The following UNC5C variants were observed in gnomAD, a reference collection of about 807,000 sequenced individuals.
The protein encoded by UNC5C is netrin receptor UNC5C.
In UNC5C, 47 loss-of-function variants were observed where a neutral mutation model predicts 99.8. That is an observed-to-expected ratio of 0.47 (90% CI 0.37 to 0.60). UNC5C has a LOEUF of 0.60. Among genes scored for constraint, UNC5C ranks in the 20% least tolerant of loss-of-function variants. The pLI is 0.00. For missense variants in UNC5C, 1,062 were observed against 1,165.9 expected (o/e 0.91, Z 1.30); for synonymous variants, 487 against 452.2 (o/e 1.08, Z -0.98).
intron 3 of UNC5C, among the ~76,000 whole-genome samples, chr4:95,297,332 A>T (rs1384177370): frequency 6.6e-6 from 1 of 152,182 alleles, no homozygotes; most frequent in African/African-American, 2.4e-5. Flanking sequence ...TGGAGATTCC[A>T]CTTAAGACAA....
intron 1 of UNC5C, among the ~76,000 whole-genome samples, chr4:95,531,439 T>C (rs1722640627): frequency 6.6e-6 from 1 of 152,238 alleles, no homozygotes; most frequent in African/African-American, 2.4e-5. Flanking sequence ...TGGGTCTGTG[T>C]TTACTGAAGT....
chr4:95,494,828 T>C (rs58110656), intron 1 of UNC5C, among the ~76,000 whole-genome samples: 4,544 of 151,592 alleles, frequency 0.03, 109 homozygotes, highest in African/African-American at 0.07. Context: ...ATTTTCACTA[T>C]TGTAAGTAGC....
intron 1 of UNC5C, among the ~76,000 whole-genome samples, chr4:95,517,495 G>C (rs1418288037): frequency 6.6e-6 from 1 of 152,060 alleles, no homozygotes; most frequent in Non-Finnish European, 1.5e-5. Flanking sequence ...AATGCATGCA[G>C]AAACTTAAAC....
intron 1 of UNC5C, among the ~76,000 whole-genome samples, chr4:95,437,572 G>C (rs1746830608): frequency 6.6e-6 from 1 of 151,984 alleles, no homozygotes; most frequent in African/African-American, 2.4e-5. Context: ...GCATATACAT[G>C]ATAAAATAAG....
intron 3 of UNC5C, among the ~76,000 whole-genome samples, chr4:95,299,158 T>C (rs1741779739): frequency 1.3e-5 from 2 of 152,158 alleles, no homozygotes; most frequent in African/African-American, 4.8e-5. Context: ...AAAATGAAGC[T>C]GTTAGGGTGG....
intron 4 of UNC5C, among the ~76,000 whole-genome samples, chr4:95,269,185 A>G (rs1453828624): frequency 6.6e-6 from 1 of 152,246 alleles, no homozygotes; most frequent in Non-Finnish European, 1.5e-5. Context: ...TGTCTATTAA[A>G]TCAGAATCTC....
intron 4 of UNC5C, among the ~76,000 whole-genome samples, chr4:95,274,886 C>T (rs951967504): frequency 5.9e-5 from 9 of 151,986 alleles, no homozygotes; most frequent in African/African-American, 1.2e-4. Context: ...ACTAGCCATG[C>T]GTGGTGATGT....
At chr4:95,315,029 G>C (rs1742419784) in intron 2 of UNC5C, among the ~76,000 whole-genome samples, 1 of 152,058 alleles carries the variant, frequency 6.6e-6, no homozygotes, top group African/African-American at 2.4e-5. Flanking sequence ...ATCCGTCTTT[G>C]TGTATCTAAA....
rs927647336 is a variant in UNC5C at position 95,454,486 on chromosome 4, G to A, written c.124+94248C>T. 2.0e-5 allele frequency among the ~76,000 whole-genome samples: 3 copies of A among 152,074 alleles called. No individual in the cohort carries two copies. In the South Asian group the frequency reaches 6.2e-4, roughly 31 times the overall value. The stretch of plus-strand genomic sequence containing the variant: ...AGCAGGAGGTACTGTGATTACATAT[G>A]AGTATTCTCCAAAACGTTATTTTCT... On this transcript the variant is annotated intron_variant, in intron 1 of 15. Coordinates refer to ENST00000453304, the MANE Select transcript of UNC5C (RefSeq NM_003728.4).
At chr4:95,194,012 CCATCTGCAAA>C (rs1737271563) in intron 12 of UNC5C, among the ~76,000 whole-genome samples, 1 of 152,152 alleles carries the variant, frequency 6.6e-6, no homozygotes, top group Admixed American at 6.5e-5. Context: ...ACTCTGGTGC[CCATCTGCAAA>C]CATCTCCCCG....
At chr4:95,200,882 G>T (rs564769489) in intron 12 of UNC5C, among the ~76,000 whole-genome samples, 1 of 151,802 alleles carries the variant, frequency 6.6e-6, no homozygotes, top group East Asian at 1.9e-4. Context: ...AAATTCATAC[G>T]TTGTAATCCT....
At chr4:95,445,400 T>G (rs996937605) in intron 1 of UNC5C, among the ~76,000 whole-genome samples, 4 of 152,118 alleles carry the variant, frequency 2.6e-5, no homozygotes, top group African/African-American at 9.7e-5. Context: ...GCAGTTTAGG[T>G]TTCTGTTCCG....
chr4:95,474,728 A>G (rs1384275793), intron 1 of UNC5C, among the ~76,000 whole-genome samples: 1 of 152,158 alleles, frequency 6.6e-6, no homozygotes, highest in Non-Finnish European at 1.5e-5. Context: ...AAAAACTTAG[A>G]CATGCATGCA....
chr4:95,326,441 A>C lies in UNC5C; in HGVS notation c.346+8969T>G, dbSNP rs1179590000. Among the ~76,000 whole-genome samples the C allele has an allele frequency of 2.0e-5, 3 of 152,050 alleles. 1 individual carries two copies. Among genetic ancestry groups the C allele is most frequent in the Non-Finnish European group, 4.4e-5 (3 of 68,044 alleles). ...CAAGTAAATAGAAAGCAAACAGCTG[A>C]GCCTGAGTTCTTCTTAAAAATGTAA... On this transcript the variant is annotated intron_variant, in intron 2 of 15. Coordinates refer to ENST00000453304, the MANE Select transcript of UNC5C (RefSeq NM_003728.4).
rs569388470 is a variant in UNC5C at position 95,395,554 on chromosome 4, T to G, written c.125-59923A>C. On this transcript the variant is annotated intron_variant, in intron 1 of 15. Coordinates refer to ENST00000453304, the MANE Select transcript of UNC5C (RefSeq NM_003728.4). ...AGGTCTTTTCTCTTCCTCTGTCATA[T>G]CAAAGTTAAAAAGTCCTGTTAGAAA... Among the ~76,000 whole-genome samples the G allele has an allele frequency of 2.6e-5, 4 of 152,250 alleles. No homozygotes were observed. The South Asian group carries it at 8.3e-4, about 32-fold the overall frequency.
intron 1 of UNC5C, among the ~76,000 whole-genome samples, chr4:95,425,462 C>A (rs1005330889): frequency 1.3e-5 from 2 of 152,226 alleles, no homozygotes; most frequent in African/African-American, 4.8e-5. Context: ...ACTGGGACTA[C>A]AGGCGCTCGC....
intron 1 of UNC5C, among the ~76,000 whole-genome samples, chr4:95,545,474 ACTGT>A (rs748479995): frequency 2.0e-5 from 3 of 152,136 alleles, no homozygotes; most frequent in South Asian, 2.1e-4. Flanking sequence ...TTCACTGTTG[ACTGT>A]CTATTTGTAC....
chr4:95,203,512 C>T (rs1737765666), intron 11 of UNC5C, among the ~76,000 whole-genome samples: 2 of 152,018 alleles, frequency 1.3e-5, no homozygotes, highest in Non-Finnish European at 2.9e-5. Flanking sequence ...CTCTACTGCC[C>T]AGGCTGGAGT....
At chr4:95,210,137 C>T (rs1408065515) in intron 10 of UNC5C, among the ~76,000 whole-genome samples, 1 of 151,992 alleles carries the variant, frequency 6.6e-6, no homozygotes, top group Admixed American at 6.6e-5. Flanking sequence ...CAAGTACACC[C>T]CTGGCATGCA....
Sources: gnomAD v4.1 joint callset for allele counts (sites outside exome capture counted in the v4.1 genomes callset) on GRCh38, gnomAD v4.1.1 for gene constraint, MANE v1.5 for transcripts, NCBI Gene and HGNC (gene_info 2026-07-23, HGNC 2026-07-21) for gene names.